OSBPL9: variants seen among roughly 807,000 people sequenced by gnomAD.
The protein encoded by OSBPL9 is oxysterol binding protein like 9.
OSBPL9 carries 40 observed loss-of-function variants against 106.6 expected under a neutral mutation model. That is an observed-to-expected ratio of 0.38 (90% confidence interval 0.29 to 0.49). OSBPL9 has a LOEUF of 0.49. OSBPL9 is among the 20% of genes least tolerant of loss of function. OSBPL9 has a pLI of 0.97. For synonymous variants in OSBPL9, 269 were observed against 295.4 expected, an observed-to-expected ratio of 0.91 and a Z score of 0.92; for missense variants, 609 against 887.2, an observed-to-expected ratio of 0.69 and a Z score of 3.98.
chr1:51,704,452 T>G (rs1174676070), intron 3 of OSBPL9, among the ~76,000 whole-genome samples: 1 of 152,254 alleles, frequency 6.6e-6, no homozygotes, highest in Non-Finnish European at 1.5e-5. Context: ...TATTCTCTGA[T>G]GGTAGTTTGT....
the OSBPL9 span, among the ~76,000 whole-genome samples, chr1:51,558,203 C>T: frequency 6.6e-6 from 1 of 151,932 alleles, no homozygotes; most frequent in African/African-American, 2.4e-5. Context: ...TGGTGTGAAC[C>T]CGGGAGGCGG....
At chr1:51,586,933 C>T (rs1645250656) in intron 1 of OSBPL9, among the ~76,000 whole-genome samples, 1 of 152,206 alleles carries the variant, frequency 6.6e-6, no homozygotes, top group East Asian at 1.9e-4. Flanking sequence ...GTTTTCCTCT[C>T]TACTCAGGTC....
At chr1:51,724,828 G>T (rs1662820168) in intron 4 of OSBPL9, 1 of 261,132 alleles carries the variant, frequency 3.8e-6, no homozygotes, top group Non-Finnish European at 7.5e-6. Context: ...CTTCTCTGGG[G>T]TTTATGGAGA....
intron 1 of OSBPL9, among the ~76,000 whole-genome samples, chr1:51,641,844 A>G (rs1332539039): frequency 1.3e-5 from 2 of 152,216 alleles, no homozygotes; most frequent in African/African-American, 4.8e-5. Flanking sequence ...TCACACTGAC[A>G]GTATATCGAA....
In OSBPL9 at chr1:51,646,783, T is replaced by C. The variant is rs909341767; in HGVS notation, c.112-5208T>C. On this transcript the variant is annotated intron_variant, in intron 1 of 23. Transcript: ENST00000428468. ...CTTCTGACCTCAAGTGATCCACCTG[T>C]TGCAGCCTCCCAAAGTGCTGGGATT... Among the ~76,000 whole-genome samples the C allele has an allele frequency of 3.9e-4, 60 of 152,252 alleles. 1 individual carries two copies. The highest frequency in any genetic ancestry group is 3.3e-3 in the Admixed American group (51 of 15,286).
chr1:51,748,477 A>G (rs553013818), intron 7 of OSBPL9, 79 bp downstream of exon 7: 21 of 1,346,458 alleles, frequency 1.6e-5, no homozygotes, highest in East Asian at 2.8e-5. Flanking sequence ...AGCTGCCACT[A>G]TTGATGACAG....
chr1:51,768,131 C>T (rs925083735), intron 12 of OSBPL9, among the ~76,000 whole-genome samples: 7 of 151,834 alleles, frequency 4.6e-5, no homozygotes, highest in Admixed American at 3.3e-4. Context: ...TTAGTAGAGA[C>T]GGGGTTTCAC....
chr1:51,564,183 A>G, the OSBPL9 span, among the ~76,000 whole-genome samples: 1 of 151,840 alleles, frequency 6.6e-6, no homozygotes, highest in Non-Finnish European at 1.5e-5. Context: ...ATCATCATCT[A>G]TATGAAGGTC....
At position 51,745,631 on chromosome 1, in the gene OSBPL9, G is replaced by A; in HGVS notation, c.414G>A (p.Lys138=). Residue 138 remains lysine (K), a splice_region_variant and synonymous_variant, in exon 5 of 24, where the codon AAG becomes AAA. Coordinates refer to ENST00000428468, the MANE Select transcript of OSBPL9 (RefSeq NM_024586.6). ...AYLQILIEQL[K]LFDDKLQNCK... ...TACAAATCTTGATTGAACAATTAAA[G>A]GTATGGCATTAGTTTGTATATTAAA... is the stretch of plus-strand genomic sequence containing the variant. 1 of 1,567,690 alleles carries A rather than the reference G, an allele frequency of 6.4e-7. No homozygotes were observed. The highest frequency in any genetic ancestry group is 8.6e-7 in the Non-Finnish European group (1 of 1,164,344).
intron 1 of OSBPL9, among the ~76,000 whole-genome samples, chr1:51,632,025 A>G (rs1339840334): frequency 6.6e-6 from 1 of 152,202 alleles, no homozygotes; most frequent in African/African-American, 2.4e-5. Context: ...GTCATCTCCT[A>G]TGATAACAAT....
intron 3 of OSBPL9, chr1:51,707,594 TG>T (rs1228200798): frequency 5.5e-6 from 1 of 180,578 alleles, no homozygotes; most frequent in Non-Finnish European, 1.2e-5. Context: ...ATCTTCTGGG[TG>T]GCAGTGATGG....
chr1:51,780,482 A>G (rs1361749085), intron 15 of OSBPL9, among the ~76,000 whole-genome samples: 4 of 152,222 alleles, frequency 2.6e-5, no homozygotes, highest in Non-Finnish European at 4.4e-5. Context: ...CCATCAATCA[A>G]CAAGCAAATA....
intron 1 of OSBPL9, among the ~76,000 whole-genome samples, chr1:51,647,445 G>A (rs989533598): frequency 3.3e-5 from 5 of 152,066 alleles, no homozygotes; most frequent in Non-Finnish European, 7.4e-5. Context: ...ATTGGAAAGT[G>A]TTCGCTCTTC....
chr1:51,774,321 A>G (rs962192616), intron 14 of OSBPL9, among the ~76,000 whole-genome samples: 9 of 152,208 alleles, frequency 5.9e-5, no homozygotes, highest in South Asian at 2.1e-4. Context: ...TTGTTATATT[A>G]TAAATGATAT....
the OSBPL9 span, among the ~76,000 whole-genome samples, chr1:51,521,162 C>T: frequency 6.6e-6 from 1 of 152,190 alleles, no homozygotes; most frequent in African/African-American, 2.4e-5. Flanking sequence ...ATAAATAGGA[C>T]TCAGACATTA....
intron 3 of OSBPL9, chr1:51,707,260 C>A (rs1658754441): frequency 8.0e-6 from 2 of 250,220 alleles, no homozygotes; most frequent in South Asian, 7.7e-5. Flanking sequence ...GTGGCCCCAT[C>A]ATGGAAGGTG....
chr1:51,700,182 CT>C (rs1164284097), intron 3 of OSBPL9, among the ~76,000 whole-genome samples: 1 of 152,142 alleles, frequency 6.6e-6, no homozygotes, highest in Non-Finnish European at 1.5e-5. Flanking sequence ...ATGTGGACAC[CT>C]TCCTTCTTTT....
intron 2 of OSBPL9, among the ~76,000 whole-genome samples, chr1:51,662,171 CA>C (rs1647220410): frequency 6.6e-6 from 1 of 152,134 alleles, no homozygotes; most frequent in African/African-American, 2.4e-5. Flanking sequence ...GAGGATTGGA[CA>C]GCTGAATAAT....
At chr1:51,558,108 C>G in the OSBPL9 span, among the ~76,000 whole-genome samples, 1,846 of 152,128 alleles carry the variant, frequency 0.012, 65 homozygotes, top group East Asian at 0.1. Context: ...GTGAAACCCC[C>G]TCTCTACTAA....
Sources: gnomAD v4.1 joint callset for allele counts (sites outside exome capture counted in the v4.1 genomes callset) on GRCh38, gnomAD v4.1.1 for gene constraint, MANE v1.5 for transcripts, NCBI Gene and HGNC (gene_info 2026-07-23, HGNC 2026-07-21) for gene names.